ITSN1: variants seen among roughly 807,000 people sequenced by gnomAD.
ITSN1 encodes the protein intersectin 1, also known as intersectin-1.
In ITSN1, 58 loss-of-function variants were observed where a neutral mutation model predicts 239.8. That is an observed-to-expected ratio of 0.24 (90% CI 0.20 to 0.30). The LOEUF (loss-of-function observed/expected upper bound fraction) is 0.30. Ranked by LOEUF, ITSN1 falls within the 10% of genes least tolerant of loss-of-function variation. ITSN1 has a pLI of 1.00. For missense variants in ITSN1, 1,558 were observed against 2,103.3 expected, an observed-to-expected ratio of 0.74 and a Z score of 5.07; for synonymous variants, 780 against 770.8, an observed-to-expected ratio of 1.01 and a Z score of -0.20.
At chr21:33,876,949 T>C (rs1310010585) in intron 34 of ITSN1, among the ~76,000 whole-genome samples, 3 of 152,162 alleles carry the variant, frequency 2.0e-5, no homozygotes, top group Non-Finnish European at 4.4e-5. Flanking sequence ...ATGGGTGTTA[T>C]TGTTTTGTCT....
intron 29 of ITSN1, among the ~76,000 whole-genome samples, chr21:33,840,786 CTG>C (rs2074795608): frequency 6.6e-6 from 1 of 152,264 alleles, no homozygotes; most frequent in Non-Finnish European, 1.5e-5. Context: ...GCGTGAGCCA[CTG>C]TGCCCAGTCT....
In ITSN1 at chr21:33,894,632, G is replaced by A. The variant is rs565748825; in HGVS notation, c.*6332G>A. ...TCTTTTTAGGCAGTGGTAAGAATGC[G>A]TATTTTCTTCTTCCAGAAGTTCTGG... On this transcript the variant is annotated 3_prime_UTR_variant, in exon 40 of 40. Coordinates refer to ENST00000381318, the MANE Select transcript of ITSN1 (RefSeq NM_003024.3). The A allele has an allele frequency of 2.3e-4, 35 of 152,160 alleles. No individual in the cohort carries two copies. Among genetic ancestry groups the A allele is most frequent in the African/African-American group, 7.2e-4 (30 of 41,514 alleles). The allele number at this position is 152,160 out of a possible 1,614,324, so 9.4% of individuals were successfully genotyped here.
At chr21:33,676,299 A>G (rs1302493584) in intron 1 of ITSN1, among the ~76,000 whole-genome samples, 1 of 152,128 alleles carries the variant, frequency 6.6e-6, no homozygotes, top group African/African-American at 2.4e-5. Context: ...TCCATTTTTA[A>G]GGATTTCTGC....
At chr21:33,840,479 T>G (rs1268061649) in intron 29 of ITSN1, among the ~76,000 whole-genome samples, 1 of 152,192 alleles carries the variant, frequency 6.6e-6, no homozygotes, top group Non-Finnish European at 1.5e-5. Flanking sequence ...TTCTCCTGCC[T>G]CAGCCTCCTG....
chr21:33,672,866 C>T (rs1261821361), intron 1 of ITSN1, among the ~76,000 whole-genome samples: 2 of 152,188 alleles, frequency 1.3e-5, no homozygotes, highest in Non-Finnish European at 2.9e-5. Flanking sequence ...TGCGTGCCAC[C>T]ACGCCCTGCT....
At chr21:33,862,608 G>A (rs930413986) in intron 31 of ITSN1, among the ~76,000 whole-genome samples, 1 of 152,150 alleles carries the variant, frequency 6.6e-6, no homozygotes, top group Non-Finnish European at 1.5e-5. Context: ...GCGGGAGCAG[G>A]GCAGCCGCGT....
intron 16 of ITSN1, among the ~76,000 whole-genome samples, chr21:33,785,701 CT>C (rs2070608073): frequency 6.6e-6 from 1 of 152,160 alleles, no homozygotes; most frequent in Non-Finnish European, 1.5e-5. Context: ...ATAAGGCATA[CT>C]TATAATCGTG....
chr21:33,761,850 C>A, intron 8 of ITSN1, 73 bp from the exon 9 acceptor site: 1 of 1,094,512 alleles, frequency 9.1e-7, no homozygotes, highest in Non-Finnish European at 1.4e-6. Flanking sequence ...TCCACATACG[C>A]AGAACCCTGG....
rs1341199033 is a variant in ITSN1, at chr21:33,896,571, C to T, written c.*8271C>T. 3 of 152,210 alleles carry T rather than the reference C, an allele frequency of 2.0e-5. No homozygotes were observed. The highest frequency in any genetic ancestry group is 6.5e-5 in the Admixed American group (1 of 15,280). 9.4% of individuals were successfully genotyped at this position (152,210 alleles called of 1,614,324 possible). A position where few individuals can be genotyped will look rare whatever the true frequency, so the allele number is the denominator to read the frequency against. On this transcript the variant is annotated 3_prime_UTR_variant, in exon 40 of 40. Coordinates refer to ENST00000381318, the MANE Select transcript of ITSN1 (RefSeq NM_003024.3). ...GCGGGTGTCTGGGAGGAACCTGCTT[C>T]GGAGAGGCTGCGACCTCCCAGCTAG...
At chr21:33,751,188 T>C (rs1328385860) in intron 6 of ITSN1, among the ~76,000 whole-genome samples, 1 of 152,202 alleles carries the variant, frequency 6.6e-6, no homozygotes, top group East Asian at 1.9e-4. Context: ...GCCCAGAAAG[T>C]GTGTGCAGTT....
Position 33,772,292 on chromosome 21 carries a change from A to C in ITSN1, c.1274A>C (p.Glu425Ala), listed in dbSNP as rs373488298. 7.7e-6 allele frequency: 12 copies of C among 1,560,028 alleles called. No individual in the cohort carries two copies. The highest frequency in any genetic ancestry group is 9.6e-6 in the Non-Finnish European group (11 of 1,151,554). The change falls in exon 12 of 40, where the codon GAG becomes GCG. Residue 425 changes from glutamate (E) to alanine (A), a missense_variant. By Grantham distance (107) the Glu-to-Ala change is moderately radical (BLOSUM62 -1). Around this residue, in one of 2 missense-constraint regions of ITSN1, gnomAD observed 982 missense variants for 1,209.9 expected, o/e 0.81. Coordinates refer to ENST00000381318, the MANE Select transcript of ITSN1 (RefSeq NM_003024.3). Reference protein sequence around the residue: ...KQRELERQREEERRKEIERRE... With the variant: ...KQRELERQREAERRKEIERRE... ...CGGGAGCTAGAACGGCAGAGAGAGG[A>C]GGAGAGGAGGAAAGAAATTGAGAGG...
intron 1 of ITSN1, among the ~76,000 whole-genome samples, chr21:33,653,457 C>T (rs1187239043): frequency 6.6e-6 from 1 of 152,134 alleles, no homozygotes; most frequent in African/African-American, 2.4e-5. Context: ...TTCATACAGA[C>T]CATCATGTTT....
At chr21:33,772,623 G>T (rs2069252091) in intron 12 of ITSN1, among the ~76,000 whole-genome samples, 1 of 152,000 alleles carries the variant, frequency 6.6e-6, no homozygotes. Context: ...TCAATATATG[G>T]ACTTTTGTTT....
At chr21:33,740,235 G>A (rs907070720) in intron 5 of ITSN1, among the ~76,000 whole-genome samples, 9 of 152,162 alleles carry the variant, frequency 5.9e-5, no homozygotes, top group African/African-American at 2.2e-4. Flanking sequence ...GGATGACTAC[G>A]TTTGACTGAA....
intron 1 of ITSN1, among the ~76,000 whole-genome samples, chr21:33,647,889 C>G (rs147807394): frequency 1.6e-4 from 24 of 152,288 alleles, no homozygotes; most frequent in Middle Eastern, 3.4e-3. Context: ...AGTGACTGTC[C>G]TTCTACATAT....
chr21:33,865,308 GC>G lies in ITSN1; in HGVS notation c.4052del (p.Pro1351GlnfsTer26). ...AALIQQKTDE[A>X]PDFKEFVKRL... The stretch of plus-strand genomic sequence containing the variant: ...CCTGATCCAGCAGAAGACGGATGAG[GC>G]CCCAGACTTCAAGGAGTTCGTCAAA... On this transcript the variant is annotated frameshift_variant, in exon 32 of 40. Coordinates refer to ENST00000381318, the MANE Select transcript of ITSN1 (RefSeq NM_003024.3). LOFTEE classifies it high-confidence loss of function. This position sits in a 1 kb window ranked among gnomAD's most constrained non-coding sequence, Gnocchi z 4.4. 1.3e-6 allele frequency: 2 copies of G among 1,575,816 alleles called. No homozygotes were observed. The highest frequency in any genetic ancestry group is 1.7e-6 in the Non-Finnish European group (2 of 1,160,682).
rs558675790 is a variant in ITSN1 at position 33,673,387 on chromosome 21, AAC to A, written c.-33+30683_-33+30684del. 2.5e-3 allele frequency among the ~76,000 whole-genome samples: 379 copies of A among 152,280 alleles called. 3 individuals carry two copies. The highest frequency in any genetic ancestry group is 8.5e-3 in the African/African-American group (355 of 41,546). On this transcript the variant is annotated intron_variant, in intron 1 of 39. Coordinates refer to ENST00000381318, the MANE Select transcript of ITSN1 (RefSeq NM_003024.3). ...CTGAGAGTAGATTTCAGGTACTCTT[AAC>A]ACACACACGTAGCTATGTGAGGAGA...
intron 1 of ITSN1, among the ~76,000 whole-genome samples, chr21:33,714,962 G>A (rs1352159633): frequency 6.6e-6 from 1 of 152,026 alleles, no homozygotes; most frequent in Non-Finnish European, 1.5e-5. Flanking sequence ...CAGAATGTAA[G>A]TAAAGGAGAA....
At chr21:33,711,575 T>A (rs1339502448) in intron 1 of ITSN1, among the ~76,000 whole-genome samples, 1 of 152,112 alleles carries the variant, frequency 6.6e-6, no homozygotes, top group African/African-American at 2.4e-5. Context: ...CTGTTTCTTT[T>A]TTCTTGACAT....
Sources: allele counts gnomAD v4.1 joint callset (sites outside exome capture counted in the v4.1 genomes callset), GRCh38; gene constraint gnomAD v4.1.1; regional missense constraint gnomAD v4.1.1; non-coding constraint Gnocchi (gnomAD v3.1); transcripts MANE v1.5; gene names NCBI Gene and HGNC (gene_info 2026-07-23, HGNC 2026-07-21).